Variants in ASPH observed in about 807,000 individuals in gnomAD.
ASPH encodes the protein aspartate beta-hydroxylase.
A neutral mutation model predicts 118.4 loss-of-function variants in ASPH; 100 were observed. The ratio of observed to expected loss-of-function variants is 0.84; its 90% CI spans 0.72 to 1.00. The LOEUF (loss-of-function observed/expected upper bound fraction) is 1.00, where lower values mean the gene tolerates loss of function less well. Among genes scored for constraint, ASPH ranks in the 50% least tolerant of loss-of-function variants. The pLI, the probability that ASPH is intolerant of heterozygous loss-of-function variation, is 0.00. For missense variants in ASPH, 920 were observed against 919.5 expected (o/e 1.00, Z -0.01); for synonymous variants, 315 against 325.6 (o/e 0.97, Z 0.35).
intron 14 of ASPH, among the ~76,000 whole-genome samples, chr8:61,607,685 C>A (rs1427239308): frequency 6.6e-6 from 1 of 151,906 alleles, no homozygotes; most frequent in African/African-American, 2.4e-5. Flanking sequence ...ATGGCAATGA[C>A]CCAGGAAATG....
chr8:61,535,848 G>A (rs909433073), intron 21 of ASPH, among the ~76,000 whole-genome samples: 2 of 152,134 alleles, frequency 1.3e-5, no homozygotes, highest in Non-Finnish European at 2.9e-5. Context: ...TGGGTGCTGA[G>A]ACGAGGTTAT....
intron 3 of ASPH, chr8:61,659,809 A>C (rs1161983114): frequency 6.6e-6 from 1 of 152,162 alleles, no homozygotes; most frequent in Non-Finnish European, 1.5e-5. Flanking sequence ...TTTTAAACTG[A>C]ATGGGGCAAA....
chr8:61,582,448 T>C lies in ASPH; in HGVS notation c.1062+1496A>G, dbSNP rs568215208. 5.3e-5 allele frequency among the ~76,000 whole-genome samples: 8 copies of C among 152,346 alleles called. No homozygotes were observed. The South Asian group carries it at 1.2e-3, about 24-fold the overall frequency. On this transcript the variant is annotated intron_variant, in intron 15 of 24. Transcript: ENST00000379454. ...CAGAAAAAGATTATTGCTTCAATTCTATTAAGAAATACAAACTGACCACAA... is the reference window on the plus strand; with the variant it reads ...CAGAAAAAGATTATTGCTTCAATTCCATTAAGAAATACAAACTGACCACAA...
chr8:61,617,242 C>T (rs1433908991), intron 14 of ASPH, among the ~76,000 whole-genome samples: 3 of 151,988 alleles, frequency 2.0e-5, no homozygotes, highest in East Asian at 1.9e-4. Context: ...TGGGGCACTC[C>T]GGTGATTAAT....
chr8:61,577,886 C>T (rs1689318199), intron 15 of ASPH, among the ~76,000 whole-genome samples: 1 of 152,084 alleles, frequency 6.6e-6, no homozygotes, highest in Admixed American at 6.5e-5. Context: ...CACAGTGAAA[C>T]CATATCATTC....
At position 61,584,136 on chromosome 8, in the gene ASPH, GACC is replaced by G. The variant is rs1473717392; in HGVS notation, c.977-110_977-108del. Reference sequence around the variant, plus strand: ...AAACCTGATGCTGGTCTCCACCAAAGACCTGCAGGAGAAGGCACACTGCAGGCT... The same window carrying G: ...AAACCTGATGCTGGTCTCCACCAAAGTGCAGGAGAAGGCACACTGCAGGCT... On this transcript the variant is annotated intron_variant, in intron 14 of 24. Coordinates refer to ENST00000379454, the MANE Select transcript of ASPH (RefSeq NM_004318.4). 97 of 677,690 alleles carry G rather than the reference GACC, an allele frequency of 1.4e-4. No individual in the cohort carries two copies. The African/African-American group carries it at 1.6e-3, about 11-fold the overall frequency. The allele number at this position is 677,690 out of a possible 1,614,324, so 42.0% of individuals were successfully genotyped here.
At chr8:61,561,972 T>C (rs1388611051) in intron 18 of ASPH, among the ~76,000 whole-genome samples, 2 of 152,216 alleles carry the variant, frequency 1.3e-5, no homozygotes, top group African/African-American at 2.4e-5. Flanking sequence ...GAAATCATAC[T>C]ATCACTGAGT....
At chr8:61,612,530 C>T (rs1381641550) in intron 14 of ASPH, among the ~76,000 whole-genome samples, 1 of 152,002 alleles carries the variant, frequency 6.6e-6, no homozygotes, top group Non-Finnish European at 1.5e-5. Context: ...CACACCACCA[C>T]CTGGCTAATT....
chr8:61,664,752 G>A, intron 3 of ASPH: 3 of 986,372 alleles, frequency 3.0e-6, no homozygotes, highest in Non-Finnish European at 3.6e-6. Context: ...TGGGAGGGCT[G>A]GAGAGGAGGG....
intron 5 of ASPH, among the ~76,000 whole-genome samples, chr8:61,647,196 T>C (rs532670098): frequency 6.6e-5 from 10 of 152,298 alleles, no homozygotes; most frequent in South Asian, 4.1e-4. Context: ...CAATAAATAT[T>C]TGATGAATGA....
rs183452135 is a variant in ASPH at position 61,684,004 on chromosome 8, C to T, written c.253+35G>A. 1.4e-4 allele frequency: 219 copies of T among 1,606,020 alleles called. 1 individual carries two copies. In the African/African-American group the frequency reaches 2.6e-3, roughly 19 times the overall value. On this transcript the variant is annotated intron_variant, in intron 2 of 24. Transcript: ENST00000379454. ...ACTCCTAAGAGATGTCACTTACTCT[C>T]TTACAAATTCACATAAGGATATCAA...
chr8:61,698,799 A>C (rs1342760544), intron 1 of ASPH, among the ~76,000 whole-genome samples: 4 of 152,368 alleles, frequency 2.6e-5, no homozygotes, highest in East Asian at 1.9e-4. Context: ...AACAAGAAGA[A>C]GACCAAATAT....
At chr8:61,668,121 C>T in intron 3 of ASPH, 1 of 1,076,604 alleles carries the variant, frequency 9.3e-7, no homozygotes. Context: ...AAGCAAGACC[C>T]AAAAGCAATA....
At chr8:61,597,507 G>T (rs968472975) in intron 14 of ASPH, among the ~76,000 whole-genome samples, 8 of 152,096 alleles carry the variant, frequency 5.3e-5, no homozygotes, top group Admixed American at 5.2e-4. Context: ...AAGCTTGCAA[G>T]AAATATAGAC....
At chr8:61,711,000 A>G (rs1589383449) in intron 1 of ASPH, among the ~76,000 whole-genome samples, 1 of 152,314 alleles carries the variant, frequency 6.6e-6, no homozygotes, top group East Asian at 1.9e-4. Context: ...ATCTACTGAG[A>G]CACCTTGAGA....
At chr8:61,615,150 G>C (rs190650544) in intron 14 of ASPH, among the ~76,000 whole-genome samples, 299 of 152,202 alleles carry the variant, frequency 2.0e-3, no homozygotes, top group African/African-American at 6.8e-3. Context: ...ATGCACTCCT[G>C]CACTCTCCCC....
chr8:61,515,597 C>T (rs1317548782), intron 24 of ASPH, among the ~76,000 whole-genome samples: 1 of 152,154 alleles, frequency 6.6e-6, no homozygotes, highest in Non-Finnish European at 1.5e-5. Flanking sequence ...TTACCTTCTC[C>T]CCTGAGTGCC....
chr8:61,512,167 T>A (rs914800477), intron 24 of ASPH, among the ~76,000 whole-genome samples: 28 of 152,196 alleles, frequency 1.8e-4, no homozygotes, highest in African/African-American at 6.5e-4. Flanking sequence ...ACTACTAATA[T>A]TGTAGTGGGC....
intron 12 of ASPH, among the ~76,000 whole-genome samples, chr8:61,637,245 G>C (rs1858237276): frequency 6.6e-6 from 1 of 152,062 alleles, no homozygotes; most frequent in Non-Finnish European, 1.5e-5. Context: ...ACAGGTCCCA[G>C]TCTTGGGTCG....
Sources: gnomAD v4.1 joint callset for allele counts (sites outside exome capture counted in the v4.1 genomes callset) on GRCh38, gnomAD v4.1.1 for gene constraint, MANE v1.5 for transcripts, NCBI Gene and HGNC (gene_info 2026-07-23, HGNC 2026-07-21) for gene names.